SEC23B: variants seen among roughly 807,000 people sequenced by gnomAD.
The protein encoded by SEC23B is protein transport protein Sec23B.
A neutral mutation model predicts 104.3 loss-of-function variants in SEC23B; 77 were observed. That is an observed-to-expected ratio of 0.74 (90% CI 0.61 to 0.89). The LOEUF is 0.89. Among genes scored for constraint, SEC23B ranks in the 40% least tolerant of loss-of-function variants. SEC23B has a pLI of 0.00. For synonymous variants in SEC23B, 338 were observed against 332.5 expected, an observed-to-expected ratio of 1.02 and a Z score of -0.18; for missense variants, 885 against 949.4, an observed-to-expected ratio of 0.93 and a Z score of 0.89.
rs200932810 is a variant in SEC23B at position 18,532,651 on chromosome 20, A to G, written c.1234-13A>G. On this transcript the variant is annotated splice_polypyrimidine_tract_variant and intron_variant, in intron 10 of 19. Transcript: ENST00000650089. ...GTGATCTTTAACTTTACACTGTCAC[A>G]TATTTGTTATAGACCTCTCGGGAAC... is the stretch of plus-strand genomic sequence containing the variant. The G allele has an allele frequency of 5.6e-6, 9 of 1,596,666 alleles. No individual in the cohort carries two copies. Among genetic ancestry groups the G allele is most frequent in the Admixed American group, 1.7e-5 (1 of 59,974 alleles).
At chr20:18,535,984 A>G (rs532424899) in intron 12 of SEC23B, among the ~76,000 whole-genome samples, 1 of 152,286 alleles carries the variant, frequency 6.6e-6, no homozygotes, top group Admixed American at 6.5e-5. Context: ...AGTGTAATAG[A>G]TTTTACCAGT....
rs1249284884 is a variant in SEC23B, at chr20:18,547,550, A to G, written c.1744-1059A>G. 1.3e-5 allele frequency among the ~76,000 whole-genome samples: 2 copies of G among 151,894 alleles called. 1 individual carries two copies. Among genetic ancestry groups the G allele is most frequent in the East Asian group, 3.9e-4 (2 of 5,156 alleles). ...GGCGAGAACCTATGGTTGCAGTGTC[A>G]TCCCTTGTCCCTTTCTCCCCTGCAC... On this transcript the variant is annotated intron_variant, in intron 15 of 19. Transcript: ENST00000650089.
chr20:18,542,755 C>A (rs1010413206), intron 13 of SEC23B, among the ~76,000 whole-genome samples: 1 of 152,208 alleles, frequency 6.6e-6, no homozygotes, highest in Non-Finnish European at 1.5e-5. Context: ...CCACTTCAGC[C>A]TCCCAGGTAG....
chr20:18,515,265 G>A lies in SEC23B; in HGVS notation c.280-385G>A, dbSNP rs1218272314. On this transcript the variant is annotated intron_variant, in intron 3 of 19. Transcript: ENST00000650089. ...AATGCTGATTTTTATGTTTTTTAACGTGTCCTGTATTTTGTGCTTTCAGAA... is the reference window on the plus strand; with the variant it reads ...AATGCTGATTTTTATGTTTTTTAACATGTCCTGTATTTTGTGCTTTCAGAA... Among the ~76,000 whole-genome samples, 4 of 152,266 alleles carry A rather than the reference G, an allele frequency of 2.6e-5. No homozygotes were observed. In the East Asian group the frequency reaches 5.8e-4, roughly 22 times the overall value.
At position 18,561,234 on chromosome 20, in the gene SEC23B, T is replaced by C. The variant is rs561479544; in HGVS notation, c.*494T>C. 1.2e-4 allele frequency: 20 copies of C among 169,196 alleles called. No individual in the cohort carries two copies. The highest frequency in any genetic ancestry group is 4.7e-4 in the Admixed American group (8 of 17,100). 10.5% of individuals were successfully genotyped at this position (169,196 alleles called of 1,614,324 possible). A position where few individuals can be genotyped will look rare whatever the true frequency, so the allele number is the denominator to read the frequency against. On this transcript the variant is annotated 3_prime_UTR_variant, in exon 20 of 20. Transcript: ENST00000650089. ...ATGCAGGATCAAAATGAAACAAATA[T>C]ACCTTATCCTAAAGAGCTCATAACA...
intron 6 of SEC23B, 113 bp downstream of exon 6, chr20:18,525,133 A>G (rs769372366): frequency 3.0e-6 from 3 of 1,014,162 alleles, no homozygotes; most frequent in Non-Finnish European, 3.0e-6. Context: ...AGAGAAAAAG[A>G]TAAATGATTA....
At chr20:18,519,343 G>A (rs566503557) in intron 4 of SEC23B, among the ~76,000 whole-genome samples, 8 of 152,134 alleles carry the variant, frequency 5.3e-5, no homozygotes. Flanking sequence ...AAGGAGCCGG[G>A]GAGCAGAAAG....
chr20:18,514,264 T>C (rs1436011712), intron 3 of SEC23B, among the ~76,000 whole-genome samples: 1 of 152,216 alleles, frequency 6.6e-6, no homozygotes, highest in African/African-American at 2.4e-5. Context: ...TGCTCCCTTC[T>C]GTGCAGCTGG....
intron 19 of SEC23B, among the ~76,000 whole-genome samples, chr20:18,558,919 C>CT (rs1201207116): frequency 1.3e-5 from 2 of 152,100 alleles, no homozygotes; most frequent in Non-Finnish European, 2.9e-5. Flanking sequence ...TGTCACTTGT[C>CT]TTTTTTAATT....
chr20:18,530,779 A>G lies in SEC23B; in HGVS notation c.1209A>G (p.Ala403=), dbSNP rs2060178361. The change falls in exon 10 of 20, where the codon GCA becomes GCG. Residue 403 remains alanine (A), a synonymous_variant. Transcript: ENST00000650089. ...ATTTTAATGGAGATTTCCGAATGGC[A>G]TTTGGTGCTACTTTGGACGTAAAGG... is the stretch of plus-strand genomic sequence containing the variant. ...TKDFNGDFRM[A]FGATLDVKTS... is the part of the protein sequence containing the mutation. 1.2e-6 allele frequency: 2 copies of G among 1,611,348 alleles called. No individual in the cohort carries two copies. Among genetic ancestry groups the G allele is most frequent in the Non-Finnish European group, 1.7e-6 (2 of 1,178,608 alleles).
In SEC23B at chr20:18,510,535, C is replaced by T. The variant is rs372350362; in HGVS notation, c.-14-287C>T. Among the ~76,000 whole-genome samples, 9 of 152,242 alleles carry T rather than the reference C, an allele frequency of 5.9e-5. No individual in the cohort carries two copies. In the East Asian group the frequency reaches 7.7e-4, roughly 13 times the overall value. On this transcript the variant is annotated intron_variant, in intron 1 of 19. Transcript: ENST00000650089. ...ATCCCAGCACTTTGGAAGGCCAAGG[C>T]GGGTGGATCACCTGAGGTCAGGAGT...
intron 19 of SEC23B, among the ~76,000 whole-genome samples, 153 bp downstream of exon 19, chr20:18,555,326 T>A (rs1041601859): frequency 1.3e-5 from 2 of 151,630 alleles, no homozygotes; most frequent in Admixed American, 1.3e-4. Flanking sequence ...GGGAAACAAG[T>A]TGAATAACAT....
chr20:18,536,273 C>T (rs1020556701), intron 12 of SEC23B, among the ~76,000 whole-genome samples: 1 of 152,112 alleles, frequency 6.6e-6, no homozygotes, highest in African/African-American at 2.4e-5. Flanking sequence ...GTTATGTTTG[C>T]ACTATAGTAT....
At chr20:18,559,729 C>G (rs2060475069) in intron 19 of SEC23B, among the ~76,000 whole-genome samples, 1 of 152,130 alleles carries the variant, frequency 6.6e-6, no homozygotes, top group African/African-American at 2.4e-5. Context: ...TTCCTCAGCT[C>G]CAAATTCAGA....
intron 17 of SEC23B, among the ~76,000 whole-genome samples, chr20:18,551,643 G>A (rs917690317): frequency 1.3e-5 from 2 of 152,010 alleles, no homozygotes; most frequent in Non-Finnish European, 2.9e-5. Context: ...AAACCCGGGA[G>A]GTTGAGGTTG....
At chr20:18,554,206 A>G (rs372060285) in intron 17 of SEC23B, 29 bp from the exon 18 acceptor site, 54 of 1,613,848 alleles carry the variant, frequency 3.3e-5, no homozygotes, top group Admixed American at 1.0e-4. Context: ...AGTTTCCACA[A>G]TAGTTTTGGT....
Position 18,548,646 on chromosome 20 carries a change from T to G in SEC23B, c.1781T>G (p.Val594Gly), listed in dbSNP as rs752366963. The part of the protein sequence containing the change: ...FHLRRSPFLQ[V>G]FNNSPDESSY... ...CTGAGAAGATCTCCATTTCTTCAAG[T>G]GTTTAACAACAGTCCTGATGAGTCG... The change falls in exon 16 of 20, where the codon GTG becomes GGG. Residue 594 changes from valine (V) to glycine (G), a missense_variant. Val to Gly is a moderately radical substitution (Grantham distance 109). Transcript: ENST00000650089. 11 of 1,614,032 alleles carry G rather than the reference T, an allele frequency of 6.8e-6. No homozygotes were observed. The highest frequency in any genetic ancestry group is 9.3e-6 in the Non-Finnish European group (11 of 1,179,994).
In SEC23B at chr20:18,542,347, C is replaced by T. The variant is rs1299467021; in HGVS notation, c.1456C>T (p.His486Tyr). Reference protein sequence around the residue: ...GGRGAIQFVTHYQHSSTQRRI... With the variant: ...GGRGAIQFVTYYQHSSTQRRI... ...CAGAGGAGCCATCCAGTTTGTCACGCATTATCAGCACTCCAGCACCCAGAG... is the reference window on the plus strand; with the variant it reads ...CAGAGGAGCCATCCAGTTTGTCACGTATTATCAGCACTCCAGCACCCAGAG... The change falls in exon 13 of 20, where the codon CAT becomes TAT. Residue 486 changes from histidine to tyrosine, a missense_variant. By Grantham distance (83) the His-to-Tyr change is moderately conservative. Coordinates refer to ENST00000650089, the MANE Select transcript of SEC23B (RefSeq NM_006363.6). 9 of 1,614,216 alleles carry T rather than the reference C, an allele frequency of 5.6e-6. No individual in the cohort carries two copies. Among genetic ancestry groups the T allele is most frequent in the African/African-American group, 4.0e-5 (3 of 75,046 alleles).
chr20:18,540,669 A>G (rs1166175906), intron 12 of SEC23B, among the ~76,000 whole-genome samples: 1 of 152,158 alleles, frequency 6.6e-6, no homozygotes, highest in East Asian at 1.9e-4. Flanking sequence ...CAGCCTGGGC[A>G]ATGCTGTGAG....
Sources: gnomAD v4.1 joint callset for allele counts (sites outside exome capture counted in the v4.1 genomes callset) on GRCh38, gnomAD v4.1.1 for gene constraint, MANE v1.5 for transcripts, NCBI Gene and HGNC (gene_info 2026-07-23, HGNC 2026-07-21) for gene names.